MTUS2: variants seen among roughly 807,000 people sequenced by gnomAD.
MTUS2 encodes microtubule-associated tumor suppressor candidate 2.
MTUS2 carries 40 observed loss-of-function variants against 114.1 expected under a neutral mutation model. The observed-to-expected ratio is 0.35, with a 90% CI of 0.27 to 0.46. The LOEUF (loss-of-function observed/expected upper bound fraction) is 0.46, where lower values mean the gene tolerates loss of function less well. MTUS2 is among the 20% of genes least tolerant of loss of function. The pLI is 1.00. For synonymous variants in MTUS2, 688 were observed against 672.0 expected, an observed-to-expected ratio of 1.02 and a Z score of -0.37; for missense variants, 1,679 against 1,705.4, an observed-to-expected ratio of 0.98 and a Z score of 0.27.
intron 8 of MTUS2, among the ~76,000 whole-genome samples, chr13:29,363,112 G>A (rs953338878): frequency 1.9e-4 from 29 of 151,258 alleles, no homozygotes; most frequent in Admixed American, 7.9e-4. Flanking sequence ...GGACGGACTC[G>A]CGCTCCTTAG....
chr13:29,174,614 GTA>G (rs1273946896), intron 5 of MTUS2, among the ~76,000 whole-genome samples: 2 of 152,176 alleles, frequency 1.3e-5, no homozygotes, highest in East Asian at 3.8e-4. Context: ...TGCCTAATAA[GTA>G]TGTTTTTCTC....
chr13:29,470,922 G>A (rs575145530), intron 9 of MTUS2, among the ~76,000 whole-genome samples: 1 of 152,314 alleles, frequency 6.6e-6, no homozygotes, highest in South Asian at 2.1e-4. Flanking sequence ...TTTGAATGGT[G>A]TCTTCTCCGA....
intron 2 of MTUS2, among the ~76,000 whole-genome samples, chr13:28,934,681 G>A (rs1324791569): frequency 6.6e-6 from 1 of 152,030 alleles, no homozygotes. Context: ...GTGCCACCAT[G>A]CCTTGCTAAT....
intron 5 of MTUS2, among the ~76,000 whole-genome samples, chr13:29,149,502 G>A (rs1892581522): frequency 1.3e-5 from 2 of 152,188 alleles, no homozygotes; most frequent in South Asian, 4.2e-4. Flanking sequence ...ATCTTTTGCT[G>A]TGCAGAAGTT....
chr13:29,439,490 G>A lies in MTUS2; in HGVS notation c.3118-493G>A, dbSNP rs79701620. On this transcript the variant is annotated intron_variant, in intron 8 of 15. Transcript: ENST00000612955. ...TACAAAGAGAAATGTTTCATGCTAA[G>A]CCTTCTGCCCTGATCTTTATTATTG... 9.6e-3 allele frequency among the ~76,000 whole-genome samples: 1,455 copies of A among 152,252 alleles called. 27 individuals are homozygous for A. Among genetic ancestry groups the A allele is most frequent in the African/African-American group, 0.032 (1,333 of 41,510 alleles).
intron 2 of MTUS2, among the ~76,000 whole-genome samples, chr13:28,895,752 T>C (rs1389504507): frequency 6.6e-6 from 1 of 152,178 alleles, no homozygotes; most frequent in African/African-American, 2.4e-5. Context: ...TTGGATATGG[T>C]AGCCACTAGC....
At position 29,227,258 on chromosome 13, in the gene MTUS2, CAAAAAAAAA is replaced by C. The variant is rs10680419; in HGVS notation, c.2645-54436_2645-54428del. On this transcript the variant is annotated intron_variant, in intron 5 of 15. Transcript: ENST00000612955. ...TTTGCAACAGAGCAAGACTCCGTCT[CAAAAAAAAA>C]AAAAAAAAAGAAACTGCGTAGAGGC... Among the ~76,000 whole-genome samples, 4 of 120,664 alleles carry C rather than the reference CAAAAAAAAA, an allele frequency of 3.3e-5. No homozygotes were observed. In the East Asian group the frequency reaches 6.5e-4, roughly 20 times the overall value. The allele number at this position is 120,664 out of a possible 152,430, so 79.2% of individuals were successfully genotyped here.
rs1243362446 is a variant in MTUS2 at position 29,503,137 on chromosome 13, A to G, written c.4041A>G (p.Thr1347=). 3 of 1,614,146 alleles carry G rather than the reference A, an allele frequency of 1.9e-6. No homozygotes were observed. Among genetic ancestry groups the G allele is most frequent in the East Asian group, 2.2e-5 (1 of 44,890 alleles). Residue 1347 remains threonine, a synonymous_variant, in exon 16 of 16, where the codon ACA becomes ACG. Transcript: ENST00000612955. ...CCAGTCCGATTAAACTCTCGCCCAC[A>G]TCTCCCGTTTACCGCGGCTCCTCCT... ...DPTSPIKLSP[T]SPVYRGSSSG...
At chr13:29,183,094 C>A (rs1894074399) in intron 5 of MTUS2, among the ~76,000 whole-genome samples, 1 of 152,204 alleles carries the variant, frequency 6.6e-6, no homozygotes. Context: ...TCATATCCAT[C>A]TGGCTGCTGT....
chr13:29,487,922 A>G lies in MTUS2; in HGVS notation c.3422A>G (p.His1141Arg), dbSNP rs754177825. ...CAGGTGGAAGATCTCACCGCCAGCC[A>G]TGATGCTGCTCTCCTAGAGATGGAA... ...QEQVEDLTAS[H>R]DAALLEMENN... Residue 1141 changes from histidine to arginine, a missense_variant, in exon 11 of 16, where the codon CAT becomes CGT. By Grantham distance (29) the His-to-Arg change is conservative. Around this residue, in one of 3 missense-constraint regions of MTUS2, gnomAD observed 822 missense variants for 899.7 expected, o/e 0.91. Transcript: ENST00000612955. 6 of 1,614,008 alleles carry G rather than the reference A, an allele frequency of 3.7e-6. No individual in the cohort carries two copies. The East Asian group carries it at 6.7e-5, about 18-fold the overall frequency.
intron 5 of MTUS2, among the ~76,000 whole-genome samples, chr13:29,268,734 T>C (rs1276571375): frequency 6.6e-6 from 1 of 152,118 alleles, no homozygotes. Context: ...TTCTATTTCT[T>C]TCTTGGAGGC....
intron 5 of MTUS2, among the ~76,000 whole-genome samples, chr13:29,110,720 T>C (rs537844591): frequency 6.7e-4 from 102 of 152,290 alleles, no homozygotes; most frequent in Non-Finnish European, 1.2e-3. Context: ...AAATATTTTC[T>C]TGATTGCTTC....
At chr13:29,123,452 C>T (rs1350912992) in intron 5 of MTUS2, among the ~76,000 whole-genome samples, 1 of 152,084 alleles carries the variant, frequency 6.6e-6, no homozygotes. Context: ...TGCAGTGGCT[C>T]ACTCCTGTAA....
intron 2 of MTUS2, among the ~76,000 whole-genome samples, chr13:28,860,667 C>T (rs914736147): frequency 6.6e-6 from 1 of 152,316 alleles, no homozygotes; most frequent in Non-Finnish European, 1.5e-5. Flanking sequence ...TCCTTGCTCC[C>T]ATCCACCTCA....
At chr13:29,306,734 A>G in intron 6 of MTUS2, 1 of 293,212 alleles carries the variant, frequency 3.4e-6, no homozygotes, top group East Asian at 8.3e-5. Context: ...TTCGACAGAC[A>G]GCCACATTTT....
At chr13:28,856,050 A>C (rs953003299) in intron 2 of MTUS2, among the ~76,000 whole-genome samples, 1 of 152,128 alleles carries the variant, frequency 6.6e-6, no homozygotes. Flanking sequence ...CCGCACATCT[A>C]TGTACCCTGG....
chr13:28,841,576 GC>G (rs1875488356), intron 2 of MTUS2, among the ~76,000 whole-genome samples: 2 of 152,174 alleles, frequency 1.3e-5, no homozygotes, highest in African/African-American at 4.8e-5. Flanking sequence ...CTAAGTAAAA[GC>G]TTTTGGTTTC....
rs1437164662 is a variant in MTUS2, at chr13:28,885,674, G to A, written c.-243+45824G>A. 2.0e-5 allele frequency among the ~76,000 whole-genome samples: 3 copies of A among 152,150 alleles called. No individual in the cohort carries two copies. The South Asian group carries it at 6.2e-4, about 31-fold the overall frequency. On this transcript the variant is annotated intron_variant, in intron 2 of 15. Transcript: ENST00000612955. Reference sequence around the variant, plus strand: ...CAGGAAGTGTTTACAACACATGCTTGTATGGACCAATCTTAAAGGTGAATA... The same window carrying A: ...CAGGAAGTGTTTACAACACATGCTTATATGGACCAATCTTAAAGGTGAATA...
intron 2 of MTUS2, among the ~76,000 whole-genome samples, chr13:28,848,353 A>G (rs1183372955): frequency 1.3e-5 from 2 of 152,186 alleles, no homozygotes; most frequent in African/African-American, 2.4e-5. Flanking sequence ...CTCATGGTTC[A>G]TATGTATTGG....
Sources: allele counts gnomAD v4.1 joint callset (sites outside exome capture counted in the v4.1 genomes callset), GRCh38; gene constraint gnomAD v4.1.1; regional missense constraint gnomAD v4.1.1; transcripts MANE v1.5; gene names NCBI Gene and HGNC (gene_info 2026-07-23, HGNC 2026-07-21).